EIF2AK1: variants seen among roughly 807,000 people sequenced by gnomAD.
The protein encoded by EIF2AK1 is eukaryotic translation initiation factor 2 alpha kinase 1.
EIF2AK1 carries 54 observed loss-of-function variants against 77.9 expected under a neutral mutation model. The ratio of observed to expected loss-of-function variants is 0.69; its 90% CI spans 0.56 to 0.87. The LOEUF is 0.87. EIF2AK1 is among the 40% of genes least tolerant of loss of function. The pLI, the probability that EIF2AK1 is intolerant of heterozygous loss-of-function variation, is 0.00. For synonymous variants in EIF2AK1, 314 were observed against 290.5 expected (o/e 1.08, Z -0.82); for missense variants, 810 against 768.6 (o/e 1.05, Z -0.64).
intron 6 of EIF2AK1, among the ~76,000 whole-genome samples, chr7:6,045,580 G>T (rs983636642): frequency 6.6e-6 from 1 of 151,948 alleles, no homozygotes; most frequent in African/African-American, 2.4e-5. Context: ...TTTCAGGGCA[G>T]GTGACAGAAG....
At position 6,031,340 on chromosome 7, in the gene EIF2AK1, T is replaced by G. The variant is rs1787904866; in HGVS notation, c.1333-2308A>C. On this transcript the variant is annotated intron_variant, in intron 11 of 14. Coordinates refer to ENST00000199389, the MANE Select transcript of EIF2AK1 (RefSeq NM_014413.4). ...AAGAGACTGAAACTGACCAATTCCA[T>G]AACAACATTTTCCCCTGAAGTCTTA... 8.5e-6 allele frequency: 13 copies of G among 1,531,850 alleles called. No individual in the cohort carries two copies. In the East Asian group the frequency reaches 3.2e-4, roughly 38 times the overall value. 94.9% of individuals were successfully genotyped at this position (1,531,850 alleles called of 1,614,324 possible). A position where few individuals can be genotyped will look rare whatever the true frequency, so the allele number is the denominator to read the frequency against.
intron 6 of EIF2AK1, among the ~76,000 whole-genome samples, chr7:6,045,831 G>A (rs549309780): frequency 2.0e-5 from 3 of 151,128 alleles, no homozygotes; most frequent in African/African-American, 4.8e-5. Context: ...CCTGCGGGGC[G>A]GAGGCTGCAG....
At chr7:6,040,146 G>A (rs7776700) in intron 9 of EIF2AK1, among the ~76,000 whole-genome samples, 30,784 of 151,716 alleles carry the variant, frequency 0.2, 3,999 homozygotes, top group African/African-American at 0.37. Flanking sequence ...GGTGCCTCCC[G>A]GGTTCAAGCG....
chr7:6,055,676 T>TAAA (rs34819894), intron 1 of EIF2AK1, among the ~76,000 whole-genome samples: 2 of 116,250 alleles, frequency 1.7e-5, no homozygotes, highest in Non-Finnish European at 3.7e-5. Context: ...ACTAAACAGG[T>TAAA]AAAAAAAAAA....
chr7:6,037,368 G>A, intron 11 of EIF2AK1, 56 bp downstream of exon 11: 3 of 1,126,066 alleles, frequency 2.7e-6, no homozygotes, highest in East Asian at 4.7e-5. Flanking sequence ...CCAACATCAA[G>A]TCGTCCCTGA....
In EIF2AK1 at chr7:6,036,762, G is replaced by A; in HGVS notation, c.1332+662C>T. 6.6e-6 allele frequency among the ~76,000 whole-genome samples: 1 copy of A among 151,884 alleles called. No individual in the cohort carries two copies. Among genetic ancestry groups the A allele is most frequent in the Non-Finnish European group, 1.5e-5 (1 of 68,004 alleles). On this transcript the variant is annotated intron_variant, in intron 11 of 14. Transcript: ENST00000199389. This position sits in a 1 kb window ranked among gnomAD's most constrained non-coding sequence, Gnocchi z 4.6. ...AACTTCCGATTTTGTTAAACTTTAA[G>A]ATGAATAATTATAGAAATAGAGTTT...
rs1787959711 is a variant in EIF2AK1, at chr7:6,032,948, C to G, written c.1333-3916G>C. 1 of 1,543,474 alleles carries G rather than the reference C, an allele frequency of 6.5e-7. No homozygotes were observed. The highest frequency in any genetic ancestry group is 8.8e-7 in the Non-Finnish European group (1 of 1,141,042). ...GACCCAGAAGTCAGGTAAGTTAACT[C>G]CACCGAAAATCATTTCTTTTTTTTT... On this transcript the variant is annotated intron_variant, in intron 11 of 14. Coordinates refer to ENST00000199389, the MANE Select transcript of EIF2AK1 (RefSeq NM_014413.4). This position sits in a 1 kb window ranked among gnomAD's most constrained non-coding sequence, Gnocchi z 4.3.
At chr7:6,045,385 C>T (rs1479849336) in intron 6 of EIF2AK1, among the ~76,000 whole-genome samples, 2 of 152,070 alleles carry the variant, frequency 1.3e-5, no homozygotes, top group African/African-American at 2.4e-5. Flanking sequence ...GGATTACAGG[C>T]GTGAGCCACT....
chr7:6,043,099 TA>T, intron 7 of EIF2AK1, 106 bp from the exon 8 acceptor site: 1 of 1,141,614 alleles, frequency 8.8e-7, no homozygotes. Context: ...ACTACAAGTC[TA>T]AAAATGTCAT....
intron 8 of EIF2AK1, among the ~76,000 whole-genome samples, chr7:6,041,698 G>A (rs927242851): frequency 1.3e-5 from 2 of 152,124 alleles, no homozygotes; most frequent in East Asian, 1.9e-4. Context: ...AAAATTGGCC[G>A]GGTGTGGTGG....
intron 9 of EIF2AK1, 102 bp downstream of exon 9, chr7:6,040,790 G>T: frequency 3.1e-6 from 3 of 976,754 alleles, no homozygotes; most frequent in Non-Finnish European, 4.7e-6. Flanking sequence ...GAGACTGAAC[G>T]CAGGGCAGAA....
intron 5 of EIF2AK1, chr7:6,046,409 T>C (rs933683188): frequency 2.0e-5 from 5 of 244,488 alleles, no homozygotes; most frequent in Non-Finnish European, 3.1e-5. Context: ...CAAAACACAG[T>C]AGTACAACTT....
At chr7:6,058,028 C>A in intron 1 of EIF2AK1, 1 of 401,466 alleles carries the variant, frequency 2.5e-6, no homozygotes, top group South Asian at 1.8e-5. Flanking sequence ...TGGACTCTTT[C>A]ACCTAGTTAG....
intron 10 of EIF2AK1, 54 bp downstream of exon 10, chr7:6,038,506 G>T: frequency 7.4e-7 from 1 of 1,347,668 alleles, no homozygotes; most frequent in South Asian, 1.3e-5. Context: ...ACATGAGATG[G>T]GGAAGGTGTG....
chr7:6,027,791 C>A lies in EIF2AK1; in HGVS notation c.1530+824G>T, dbSNP rs918526690. 5 of 277,772 alleles carry A rather than the reference C, an allele frequency of 1.8e-5. No individual in the cohort carries two copies. Among genetic ancestry groups the A allele is most frequent in the South Asian group, 1.4e-4 (5 of 36,404 alleles). The allele number at this position is 277,772 out of a possible 1,614,324, so 17.2% of individuals were successfully genotyped here. A position where few individuals can be genotyped will look rare whatever the true frequency, so the allele number is the denominator to read the frequency against. ...CATTTCAAAATCGATTTAGGCCAGG[C>A]GCAGAGGTTCATGCCTTAATCCCAG... On this transcript the variant is annotated intron_variant, in intron 13 of 14. Transcript: ENST00000199389. This position sits in a 1 kb window ranked among gnomAD's most constrained non-coding sequence, Gnocchi z 4.5.
In EIF2AK1 at chr7:6,032,731, C is replaced by T. The variant is rs755218006; in HGVS notation, c.1333-3699G>A. On this transcript the variant is annotated intron_variant, in intron 11 of 14. Coordinates refer to ENST00000199389, the MANE Select transcript of EIF2AK1 (RefSeq NM_014413.4). The surrounding 1 kb of genome is among the most constrained non-coding windows in gnomAD (Gnocchi z 4.3). ...ATGCACATACCAGAAAAAGAGTGAGCCAATGAGACACTAAATAAATGTATT... is the reference window on the plus strand; with the variant it reads ...ATGCACATACCAGAAAAAGAGTGAGTCAATGAGACACTAAATAAATGTATT... 4.9e-5 allele frequency: 41 copies of T among 829,214 alleles called. No individual in the cohort carries two copies. Among genetic ancestry groups the T allele is most frequent in the Non-Finnish European group, 7.4e-5 (39 of 528,368 alleles). The allele number at this position is 829,214 out of a possible 1,614,324, so 51.4% of individuals were successfully genotyped here. A position where few individuals can be genotyped will look rare whatever the true frequency, so the allele number is the denominator to read the frequency against.
chr7:6,023,033 C>G lies in EIF2AK1; in HGVS notation c.*1640G>C. The G allele has an allele frequency of 8.0e-6, 3 of 373,574 alleles. No homozygotes were observed. The highest frequency in any genetic ancestry group is 1.4e-5 in the Non-Finnish European group (3 of 208,944). 23.1% of individuals were successfully genotyped at this position (373,574 alleles called of 1,614,324 possible). On this transcript the variant is annotated 3_prime_UTR_variant, in exon 15 of 15. Coordinates refer to ENST00000199389, the MANE Select transcript of EIF2AK1 (RefSeq NM_014413.4). The stretch of plus-strand genomic sequence containing the variant: ...AAACCTTAGGCAGCAGGGATTGGAG[C>G]AGGTGGTCTGAGGTCCCTTCTAGCT...
intron 2 of EIF2AK1, among the ~76,000 whole-genome samples, chr7:6,053,340 A>G (rs1402518666): frequency 6.6e-6 from 1 of 152,102 alleles, no homozygotes; most frequent in African/African-American, 2.4e-5. Context: ...TTTGTGTTAC[A>G]AACAATCCAA....
At chr7:6,051,043 T>C (rs751089761) in intron 2 of EIF2AK1, among the ~76,000 whole-genome samples, 3 of 152,158 alleles carry the variant, frequency 2.0e-5, no homozygotes, top group Non-Finnish European at 4.4e-5. Context: ...CCTTTGCTGT[T>C]AGGCAGTAAG....
Sources: allele counts gnomAD v4.1 joint callset (sites outside exome capture counted in the v4.1 genomes callset), GRCh38; gene constraint gnomAD v4.1.1; non-coding constraint Gnocchi (gnomAD v3.1); transcripts MANE v1.5; gene names NCBI Gene and HGNC (gene_info 2026-07-23, HGNC 2026-07-21).